Variants in ST6GALNAC2 observed in about 807,000 individuals in gnomAD.
ST6GALNAC2 encodes ST6 N-acetylgalactosaminide alpha-2,6-sialyltransferase 2, also known as alpha-N-acetylgalactosaminide alpha-2,6-sialyltransferase 2.
A neutral mutation model predicts 38.7 loss-of-function variants in ST6GALNAC2; 42 were observed. That is an observed-to-expected ratio of 1.09 (90% CI 0.85 to 1.40). The LOEUF (loss-of-function observed/expected upper bound fraction) is 1.40, where lower values mean the gene tolerates loss of function less well. Ranked by LOEUF, ST6GALNAC2 falls within the 40% of genes most tolerant of loss-of-function variation. The pLI, the probability that ST6GALNAC2 is intolerant of heterozygous loss-of-function variation, is 0.00. For missense variants in ST6GALNAC2, 506 were observed against 481.7 expected, an observed-to-expected ratio of 1.05 and a Z score of -0.47; for synonymous variants, 233 against 209.0, an observed-to-expected ratio of 1.11 and a Z score of -0.99.
At chr17:76,581,037 G>A (rs2075469063) in intron 1 of ST6GALNAC2, 1 of 152,202 alleles carries the variant, frequency 6.6e-6, no homozygotes, top group African/African-American at 2.4e-5. Flanking sequence ...AGGTGGAGGG[G>A]ACTCTGGGTT....
Position 76,570,634 on chromosome 17 carries a change from C to T in ST6GALNAC2, c.704G>A (p.Arg235His), listed in dbSNP as rs778556001. Residue 235 changes from arginine (R) to histidine (H), a missense_variant, in exon 6 of 9, where the codon CGC becomes CAC. Physicochemically the swap from Arg to His is conservative, Grantham distance 29. Transcript: ENST00000225276. ...LQYIFIPSDI[R>H]DYVMLRSAIL... The stretch of plus-strand genomic sequence containing the variant: ...GGCCGATCTCAGCATCACATAGTCG[C>T]GGATGTCTGAGGGGATGAAGATATA... 6.2e-6 allele frequency: 10 copies of T among 1,613,142 alleles called. No individual in the cohort carries two copies. The highest frequency in any genetic ancestry group is 1.7e-4 in the Middle Eastern group (1 of 6,058).
In ST6GALNAC2 at chr17:76,572,612, A is replaced by G. The variant is rs888841356; in HGVS notation, c.669+25T>C. 5.6e-6 allele frequency: 9 copies of G among 1,613,326 alleles called. No homozygotes were observed. The Middle Eastern group carries it at 4.9e-4, about 88-fold the overall frequency. Reference sequence around the variant, plus strand: ...AACAATGGTGCCATTGTCAACCACAATGGCATGCCCGCCAGAGGCCTCACC... The same window carrying G: ...AACAATGGTGCCATTGTCAACCACAGTGGCATGCCCGCCAGAGGCCTCACC... On this transcript the variant is annotated intron_variant, in intron 5 of 8. Coordinates refer to ENST00000225276, the MANE Select transcript of ST6GALNAC2 (RefSeq NM_006456.3).
At chr17:76,581,994 A>T (rs1405297810) in intron 1 of ST6GALNAC2, among the ~76,000 whole-genome samples, 3 of 151,780 alleles carry the variant, frequency 2.0e-5, no homozygotes, top group Non-Finnish European at 4.4e-5. Context: ...CAGCTTCCCA[A>T]GTAGCTGGGA....
chr17:76,572,264 G>A (rs534192178), intron 5 of ST6GALNAC2, among the ~76,000 whole-genome samples: 1 of 152,074 alleles, frequency 6.6e-6, no homozygotes, highest in Non-Finnish European at 1.5e-5. Flanking sequence ...CTCTCGAGGT[G>A]GGGGGTACTC....
Position 76,572,744 on chromosome 17 carries a change from G to T in ST6GALNAC2, c.562C>A (p.Arg188Ser). The T allele has an allele frequency of 1.9e-6, 3 of 1,614,140 alleles. No homozygotes were observed. Among genetic ancestry groups the T allele is most frequent in the Non-Finnish European group, 2.5e-6 (3 of 1,180,016 alleles). ...LNGAVIKGFERDVGTKTSFYG... is the reference protein window; with the variant it reads ...LNGAVIKGFESDVGTKTSFYG... ...AAGGAAGTCTTGGTGCCCACATCGC[G>T]CTCGAAGCCTTTGATCACAGCTCCA... The change falls in exon 5 of 9, where the codon CGC becomes AGC. Residue 188 changes from arginine to serine, a missense_variant. Coordinates refer to ENST00000225276, the MANE Select transcript of ST6GALNAC2 (RefSeq NM_006456.3).
chr17:76,584,109 C>T (rs1041831605), intron 1 of ST6GALNAC2, among the ~76,000 whole-genome samples: 1 of 151,868 alleles, frequency 6.6e-6, no homozygotes, highest in African/African-American at 2.4e-5. Context: ...TGAGCCACCG[C>T]GCCCGGCCAC....
chr17:76,583,811 TC>T (rs1461396894), intron 1 of ST6GALNAC2, among the ~76,000 whole-genome samples: 1 of 76,206 alleles, frequency 1.3e-5, no homozygotes, highest in Non-Finnish European at 3.4e-5. Flanking sequence ...GTGTGATATT[TC>T]TTTTTTTTTT....
At chr17:76,575,303 G>A (rs1368910875) in intron 2 of ST6GALNAC2, among the ~76,000 whole-genome samples, 1 of 151,086 alleles carries the variant, frequency 6.6e-6, no homozygotes, top group Non-Finnish European at 1.5e-5. Flanking sequence ...CTTTCCAGTG[G>A]TGCCTTTAGG....
chr17:76,569,368 C>T (rs568453447), intron 6 of ST6GALNAC2: 8 of 390,962 alleles, frequency 2.0e-5, no homozygotes, highest in African/African-American at 1.7e-4. Flanking sequence ...GGATTTGAAA[C>T]CAGACTGGGA....
intron 1 of ST6GALNAC2, among the ~76,000 whole-genome samples, chr17:76,580,579 T>C (rs11077832): frequency 0.75 from 113,727 of 151,126 alleles, 43,053 homozygotes; most frequent in East Asian, 0.84. Flanking sequence ...GCCTGTAGTC[T>C]CAGCTACTTA....
intron 2 of ST6GALNAC2, among the ~76,000 whole-genome samples, chr17:76,576,612 A>C (rs1028172409): frequency 1.3e-5 from 2 of 152,092 alleles, no homozygotes; most frequent in Admixed American, 1.3e-4. Context: ...GTATTCCTAC[A>C]TGGCTCTGCT....
chr17:76,568,637 G>A (rs1213659821), intron 7 of ST6GALNAC2, 76 bp downstream of exon 7: 10 of 1,443,218 alleles, frequency 6.9e-6, no homozygotes, highest in Non-Finnish European at 9.7e-6. Context: ...TCGTGCGAGG[G>A]CGCTGACTGG....
intron 8 of ST6GALNAC2, among the ~76,000 whole-genome samples, chr17:76,567,218 C>G (rs2075295503): frequency 6.6e-6 from 1 of 152,072 alleles, no homozygotes; most frequent in Non-Finnish European, 1.5e-5. Flanking sequence ...GGAGCCAAGG[C>G]AAGCCTGAGG....
At chr17:76,570,447 T>C in intron 6 of ST6GALNAC2, 118 bp downstream of exon 6, 1 of 648,998 alleles carries the variant, frequency 1.5e-6, no homozygotes, top group Non-Finnish European at 2.7e-6. Flanking sequence ...GGGCTGTTCT[T>C]ACTGCCCTTC....
intron 7 of ST6GALNAC2, chr17:76,568,105 C>T (rs1253962996): frequency 6.2e-6 from 1 of 161,404 alleles, no homozygotes; most frequent in Non-Finnish European, 1.4e-5. Context: ...ACACCCCTCT[C>T]CAACTGCTCC....
intron 6 of ST6GALNAC2, 50 bp downstream of exon 6, chr17:76,570,515 G>T: frequency 7.5e-7 from 1 of 1,335,392 alleles, no homozygotes; most frequent in Non-Finnish European, 1.1e-6. Context: ...TAACCACAGT[G>T]TCCCTTGCCC....
At chr17:76,570,137 G>C (rs1219113336) in intron 6 of ST6GALNAC2, 2 of 178,942 alleles carry the variant, frequency 1.1e-5, no homozygotes, top group Non-Finnish European at 2.4e-5. Context: ...CCAGCAGGAG[G>C]AGTGGCCCAG....
At chr17:76,568,672 G>A (rs1294662959) in intron 7 of ST6GALNAC2, 41 bp downstream of exon 7, 5 of 1,603,292 alleles carry the variant, frequency 3.1e-6, no homozygotes, top group Non-Finnish European at 4.3e-6. Flanking sequence ...GTAAAAGGGG[G>A]AAGGAAGGGG....
chr17:76,583,812 C>T (rs375858245), intron 1 of ST6GALNAC2, among the ~76,000 whole-genome samples: 4 of 136,166 alleles, frequency 2.9e-5, no homozygotes, highest in Non-Finnish European at 6.2e-5. Context: ...TGTGATATTT[C>T]TTTTTTTTTT....
Sources: gnomAD v4.1 joint callset for allele counts (sites outside exome capture counted in the v4.1 genomes callset) on GRCh38, gnomAD v4.1.1 for gene constraint, MANE v1.5 for transcripts, NCBI Gene and HGNC (gene_info 2026-07-23, HGNC 2026-07-21) for gene names.